The following DCLK2 variants were observed in gnomAD, a reference collection of about 807,000 sequenced individuals.
DCLK2 encodes serine/threonine-protein kinase DCLK2.
DCLK2 carries 31 observed loss-of-function variants against 78.4 expected under a neutral mutation model. The ratio of observed to expected loss-of-function variants is 0.40; its 90% confidence interval spans 0.30 to 0.53. The LOEUF (loss-of-function observed/expected upper bound fraction) is 0.53. Among genes scored for constraint, DCLK2 ranks in the 20% least tolerant of loss-of-function variants. The pLI is 0.61. For missense variants in DCLK2, 872 were observed against 973.7 expected (o/e 0.90, Z 1.39); for synonymous variants, 407 against 374.9 (o/e 1.09, Z -0.99).
At chr4:150,168,044 G>C (rs114204668) in intron 2 of DCLK2, among the ~76,000 whole-genome samples, 2 of 152,124 alleles carry the variant, frequency 1.3e-5, no homozygotes, top group African/African-American at 4.8e-5. Flanking sequence ...GCATGCCAAC[G>C]TGTAAAACCC....
chr4:150,244,929 C>T (rs1372011204), intron 12 of DCLK2, among the ~76,000 whole-genome samples: 2 of 152,016 alleles, frequency 1.3e-5, no homozygotes, highest in Non-Finnish European at 2.9e-5. Context: ...AAAATAAAAG[C>T]TGTATACATT....
At chr4:150,253,844 G>A in intron 15 of DCLK2, 3 of 985,486 alleles carry the variant, frequency 3.0e-6, no homozygotes, top group Non-Finnish European at 3.6e-6. Flanking sequence ...TAGGTGAAAA[G>A]TGGCTTTTCG....
At chr4:150,125,547 T>C (rs1732861738) in intron 2 of DCLK2, among the ~76,000 whole-genome samples, 1 of 152,170 alleles carries the variant, frequency 6.6e-6, no homozygotes, top group Non-Finnish European at 1.5e-5. Flanking sequence ...GAATTCAAAA[T>C]TGTCTACCCT....
At chr4:150,197,352 A>G (rs1739123041) in intron 3 of DCLK2, among the ~76,000 whole-genome samples, 2 of 152,228 alleles carry the variant, frequency 1.3e-5, no homozygotes, top group African/African-American at 4.8e-5. Context: ...TTAAAAAGAT[A>G]GTTGCACATG....
intron 5 of DCLK2, among the ~76,000 whole-genome samples, chr4:150,219,258 C>CTTTTTTTTTTTTTTTTT (rs375592229): frequency 1.4e-5 from 1 of 72,128 alleles, no homozygotes. Context: ...CACAAACATT[C>CTTTTTTTTTTTTTTTTT]TTTTTTTTTT....
rs200730503 is a variant in DCLK2, at chr4:150,174,997, C to CAAAAAAAAAAAAAA, written c.757-18139_757-18126dup. On this transcript the variant is annotated intron_variant, in intron 2 of 15. Transcript: ENST00000296550. ...TGGGTGATGGAGTGAGACTCCGTCG[C>CAAAAAAAAAAAAAA]AAAAAAAAAAAAAAATATATATATA... 1.7e-3 allele frequency among the ~76,000 whole-genome samples: 6 copies of CAAAAAAAAAAAAAA among 3,430 alleles called. 1 individual carries two copies. Among genetic ancestry groups the CAAAAAAAAAAAAAA allele is most frequent in the Non-Finnish European group, 4.7e-3 (6 of 1,278 alleles). 2.3% of individuals were successfully genotyped at this position (3,430 alleles called of 152,430 possible). A position where few individuals can be genotyped will look rare whatever the true frequency, so the allele number is the denominator to read the frequency against.
intron 5 of DCLK2, among the ~76,000 whole-genome samples, chr4:150,216,733 G>T (rs1740749588): frequency 6.6e-6 from 1 of 152,162 alleles, no homozygotes; most frequent in Non-Finnish European, 1.5e-5. Flanking sequence ...GAAGTGACGA[G>T]GTGGTGCAGG....
intron 1 of DCLK2, among the ~76,000 whole-genome samples, chr4:150,080,793 A>G (rs188499163): frequency 6.6e-6 from 1 of 152,322 alleles, no homozygotes; most frequent in East Asian, 1.9e-4. Flanking sequence ...CTATTTAGTC[A>G]GAAGTTTTTG....
intron 15 of DCLK2, 118 bp from the exon 16 acceptor site, chr4:150,255,902 T>G: frequency 1.4e-6 from 2 of 1,450,902 alleles, no homozygotes; most frequent in Non-Finnish European, 9.2e-7. Flanking sequence ...AAGCTTGGCG[T>G]TATTTCTCCT....
At chr4:150,169,761 G>A (rs1448235404) in intron 2 of DCLK2, among the ~76,000 whole-genome samples, 1 of 152,074 alleles carries the variant, frequency 6.6e-6, no homozygotes, top group Non-Finnish European at 1.5e-5. Flanking sequence ...AGTTTTATTG[G>A]TTACAGCTGG....
At chr4:150,083,122 A>G (rs1163066053) in intron 1 of DCLK2, among the ~76,000 whole-genome samples, 1 of 152,134 alleles carries the variant, frequency 6.6e-6, no homozygotes, top group Non-Finnish European at 1.5e-5. Context: ...GGAGCATATG[A>G]TGGCTTGGGC....
chr4:150,119,978 C>T (rs1053239504), intron 2 of DCLK2, among the ~76,000 whole-genome samples: 7 of 152,184 alleles, frequency 4.6e-5, no homozygotes, highest in African/African-American at 1.7e-4. Context: ...TGTTTTTGGT[C>T]ATGGCTAACT....
chr4:150,100,762 A>G (rs1730830277), intron 1 of DCLK2, among the ~76,000 whole-genome samples: 1 of 152,178 alleles, frequency 6.6e-6, no homozygotes, highest in Non-Finnish European at 1.5e-5. Context: ...ATTATATGAC[A>G]TTTTCCCAGA....
intron 12 of DCLK2, among the ~76,000 whole-genome samples, chr4:150,245,262 CTCTT>C (rs1243552836): frequency 9.2e-5 from 14 of 152,192 alleles, no homozygotes; most frequent in Admixed American, 5.2e-4. Context: ...TAGTGGTAAT[CTCTT>C]TCTCTTGCCT....
At chr4:150,191,379 G>A (rs2126361201) in intron 2 of DCLK2, among the ~76,000 whole-genome samples, 1 of 152,098 alleles carries the variant, frequency 6.6e-6, no homozygotes, top group South Asian at 2.1e-4. Context: ...CCAGGGAGTG[G>A]TGGAAGATAG....
chr4:150,220,074 T>C (rs1310093035), intron 5 of DCLK2, among the ~76,000 whole-genome samples: 1 of 152,046 alleles, frequency 6.6e-6, no homozygotes, highest in African/African-American at 2.4e-5. Context: ...TGGACCAGGG[T>C]GGTGGCCGTG....
At chr4:150,231,961 C>T (rs940108615) in intron 8 of DCLK2, among the ~76,000 whole-genome samples, 44 of 152,172 alleles carry the variant, frequency 2.9e-4, no homozygotes, top group African/African-American at 9.2e-4. Context: ...GAGTGTATAC[C>T]GAAATCAAAA....
At chr4:150,120,524 G>A (rs963196850) in intron 2 of DCLK2, among the ~76,000 whole-genome samples, 2 of 152,168 alleles carry the variant, frequency 1.3e-5, no homozygotes, top group Non-Finnish European at 2.9e-5. Flanking sequence ...GTTAAAAATT[G>A]CTTGTTGGAG....
chr4:150,120,358 C>T (rs1327239231), intron 2 of DCLK2, among the ~76,000 whole-genome samples: 1 of 152,144 alleles, frequency 6.6e-6, no homozygotes, highest in East Asian at 1.9e-4. Flanking sequence ...AAGAAGCTCT[C>T]CTATGGCTTG....
Sources: gnomAD v4.1 joint callset for allele counts (sites outside exome capture counted in the v4.1 genomes callset) on GRCh38, gnomAD v4.1.1 for gene constraint, MANE v1.5 for transcripts, NCBI Gene and HGNC (gene_info 2026-07-23, HGNC 2026-07-21) for gene names.